CSE1L: variants seen among roughly 807,000 people sequenced by gnomAD.
CSE1L encodes exportin-2.
A neutral mutation model predicts 120.4 loss-of-function variants in CSE1L; 24 were observed. The ratio of observed to expected loss-of-function variants is 0.20; its 90% CI spans 0.14 to 0.28. CSE1L has a LOEUF of 0.28. Ranked by LOEUF, CSE1L falls within the 10% of genes least tolerant of loss-of-function variation. The pLI, the probability that CSE1L is intolerant of heterozygous loss-of-function variation, is 1.00. For missense variants in CSE1L, 830 were observed against 1,145.2 expected, an observed-to-expected ratio of 0.72 and a Z score of 3.97; for synonymous variants, 402 against 398.3, an observed-to-expected ratio of 1.01 and a Z score of -0.11.
intron 12 of CSE1L, 34 bp downstream of exon 12, chr20:49,075,554 C>T: frequency 1.3e-6 from 2 of 1,564,032 alleles, no homozygotes. Flanking sequence ...GTTTCTAAAA[C>T]AGACATCAGT....
At position 49,090,960 on chromosome 20, in the gene CSE1L, A is replaced by G. The variant is rs1246796120; in HGVS notation, c.2303A>G (p.Lys768Arg). 6.2e-7 allele frequency: 1 copy of G among 1,611,570 alleles called. No homozygotes were observed. The highest frequency in any genetic ancestry group is 8.5e-7 in the Non-Finnish European group (1 of 1,178,246). The change falls in exon 21 of 25, where the codon AAA becomes AGA. Residue 768 changes from lysine (K) to arginine (R), a missense_variant. Physicochemically the swap from Lys to Arg is conservative, Grantham distance 26. Around this residue, in one of 4 missense-constraint regions of CSE1L, gnomAD observed 168 missense variants for 267.9 expected, o/e 0.63. Coordinates refer to ENST00000262982, the MANE Select transcript of CSE1L (RefSeq NM_001316.4). ...MPPESVDQYR[K>R]QIFILLFQRL... ...AGTGAATCAGTTGACCAATATAGGA[A>G]ACAAATCTTCATTCTGCTATTCCAG...
At chr20:49,050,348 A>G in intron 1 of CSE1L, among the ~76,000 whole-genome samples, 1 of 147,824 alleles carries the variant, frequency 6.8e-6, no homozygotes, top group East Asian at 2.0e-4. Flanking sequence ...CTTCCCTAGT[A>G]GCTAGGACCA....
chr20:49,093,041 C>T (rs779912693), intron 22 of CSE1L, among the ~76,000 whole-genome samples: 5 of 152,046 alleles, frequency 3.3e-5, no homozygotes, highest in African/African-American at 7.2e-5. Flanking sequence ...ACAATTATAA[C>T]GATAAGATAA....
At position 49,089,684 on chromosome 20, in the gene CSE1L, C is replaced by T; in HGVS notation, c.2119C>T (p.Leu707Phe). The T allele has an allele frequency of 6.2e-7, 1 of 1,614,212 alleles. No homozygotes were observed. Among genetic ancestry groups the T allele is most frequent in the Non-Finnish European group, 8.5e-7 (1 of 1,180,030 alleles). Residue 707 changes from leucine (L) to phenylalanine (F), a missense_variant, in exon 19 of 25, where the codon CTT becomes TTT. Leu to Phe is a conservative substitution (Grantham distance 22). This residue lies in a region of CSE1L where 168 missense variants were observed against 267.9 expected (regional missense o/e 0.63). Coordinates refer to ENST00000262982, the MANE Select transcript of CSE1L (RefSeq NM_001316.4). ...RTGNIPALVRLLQAFLERGSN... is the reference protein window; with the variant it reads ...RTGNIPALVRFLQAFLERGSN... ...AGGAAATATTCCTGCTCTAGTGAGGCTTCTTCAAGCATTCTTAGAACGCGG... is the reference window on the plus strand; with the variant it reads ...AGGAAATATTCCTGCTCTAGTGAGGTTTCTTCAAGCATTCTTAGAACGCGG...
At chr20:49,062,976 A>G (rs1382929577) in intron 2 of CSE1L, among the ~76,000 whole-genome samples, 2 of 151,970 alleles carry the variant, frequency 1.3e-5, no homozygotes, top group East Asian at 1.9e-4. Flanking sequence ...GTTTGTGAGA[A>G]TCATGTGAGT....
chr20:49,073,150 C>T (rs186258506), intron 10 of CSE1L, among the ~76,000 whole-genome samples: 1 of 151,608 alleles, frequency 6.6e-6, no homozygotes. Flanking sequence ...TAGCTGGGAC[C>T]ACAGGCACAC....
intron 13 of CSE1L, among the ~76,000 whole-genome samples, chr20:49,078,027 T>G (rs1441931760): frequency 6.6e-6 from 1 of 152,092 alleles, no homozygotes; most frequent in Non-Finnish European, 1.5e-5. Flanking sequence ...AAGGATAGTT[T>G]CTGATGTTTA....
At chr20:49,070,160 C>T in intron 7 of CSE1L, 45 bp from the exon 8 acceptor site, 1 of 912,348 alleles carries the variant, frequency 1.1e-6, no homozygotes, top group Non-Finnish European at 1.7e-6. Context: ...AAGTGGTGTT[C>T]TTAATATTTT....
chr20:49,063,386 T>C, intron 3 of CSE1L, 42 bp downstream of exon 3: 2 of 1,277,094 alleles, frequency 1.6e-6, no homozygotes, highest in East Asian at 2.6e-5. Context: ...CCTGTATGTT[T>C]ATAAGGTTTA....
chr20:49,076,583 G>A (rs1294727297), intron 12 of CSE1L, among the ~76,000 whole-genome samples: 3 of 123,380 alleles, frequency 2.4e-5, no homozygotes, highest in Non-Finnish European at 4.7e-5. Context: ...AGGCTGGAAT[G>A]CAATGGCAAC....
intron 2 of CSE1L, 29 bp from the exon 3 acceptor site, chr20:49,063,173 A>T: frequency 6.9e-7 from 1 of 1,457,628 alleles, no homozygotes; most frequent in Non-Finnish European, 9.3e-7. Context: ...TTTTTATCTT[A>T]GTCTTTTAAC....
At chr20:49,078,926 C>CTG (rs1169464757) in intron 14 of CSE1L, among the ~76,000 whole-genome samples, 1 of 152,226 alleles carries the variant, frequency 6.6e-6, no homozygotes, top group African/African-American at 2.4e-5. Flanking sequence ...GAGTCTCATT[C>CTG]TGTCACCCAA....
Position 49,059,292 on chromosome 20 carries a change from A to G in CSE1L, c.85+744A>G, listed in dbSNP as rs181957749. Among the ~76,000 whole-genome samples, 183 of 152,292 alleles carry G rather than the reference A, an allele frequency of 1.2e-3. 2 individuals are homozygous for G. Among genetic ancestry groups the G allele is most frequent in the Non-Finnish European group, 1.5e-3 (101 of 68,020 alleles). ...ATTTAACTAATATATTTTAAGACCT[A>G]GAGCTTTTTTTTTCCTTCCTGAATC... is the stretch of plus-strand genomic sequence containing the variant. On this transcript the variant is annotated intron_variant, in intron 2 of 24. Coordinates refer to ENST00000262982, the MANE Select transcript of CSE1L (RefSeq NM_001316.4).
chr20:49,070,350 T>G (rs2091923252), intron 8 of CSE1L, 53 bp downstream of exon 8: 2 of 845,306 alleles, frequency 2.4e-6, no homozygotes, highest in Admixed American at 2.4e-5. Flanking sequence ...TAAGAGTTAT[T>G]TGGCTACAGT....
intron 14 of CSE1L, among the ~76,000 whole-genome samples, chr20:49,079,901 G>A (rs566964811): frequency 1.3e-5 from 2 of 152,052 alleles, no homozygotes; most frequent in Non-Finnish European, 2.9e-5. Context: ...CCAACATGAC[G>A]AAACCCCATC....
intron 22 of CSE1L, among the ~76,000 whole-genome samples, chr20:49,093,169 A>T (rs2092114468): frequency 6.6e-6 from 1 of 152,216 alleles, no homozygotes; most frequent in South Asian, 2.1e-4. Flanking sequence ...ACCAGAAAAC[A>T]TGGCTTCCGG....
At chr20:49,068,600 A>G (rs1011056409) in intron 6 of CSE1L, 115 bp from the exon 7 acceptor site, 25 of 730,886 alleles carry the variant, frequency 3.4e-5, no homozygotes, top group Non-Finnish European at 5.1e-5. Flanking sequence ...CTCCGTCTCA[A>G]AAAAATAAAT....
intron 24 of CSE1L, among the ~76,000 whole-genome samples, chr20:49,095,431 C>T (rs1433988675): frequency 6.6e-6 from 1 of 152,014 alleles, no homozygotes; most frequent in East Asian, 1.9e-4. Flanking sequence ...TTCAAGTGAT[C>T]CTACTGCCTG....
At chr20:49,086,281 G>A (rs1267203364) in intron 16 of CSE1L, among the ~76,000 whole-genome samples, 1 of 151,000 alleles carries the variant, frequency 6.6e-6, no homozygotes, top group East Asian at 1.9e-4. Context: ...GTGGATGTGT[G>A]TATCTGGGTG....
Sources: gnomAD v4.1 joint callset for allele counts (sites outside exome capture counted in the v4.1 genomes callset) on GRCh38, gnomAD v4.1.1 for gene constraint, gnomAD v4.1.1 regional missense constraint, MANE v1.5 for transcripts, NCBI Gene and HGNC (gene_info 2026-07-23, HGNC 2026-07-21) for gene names.